Variants in CDKL1 observed in about 807,000 individuals in gnomAD.
CDKL1 encodes the protein cyclin dependent kinase like 1.
A neutral mutation model predicts 42.0 loss-of-function variants in CDKL1; 41 were observed. That is an observed-to-expected ratio of 0.98 (90% CI 0.76 to 1.27). The LOEUF is 1.27. Among genes scored for constraint, CDKL1 ranks in the 50% most tolerant of loss-of-function variants. The probability of loss-of-function intolerance (pLI) is 0.00; values close to 1 mark genes in which losing one functional copy is unlikely to be tolerated. For missense variants in CDKL1, 394 were observed against 428.4 expected (o/e 0.92, Z 0.71); for synonymous variants, 153 against 158.6 (o/e 0.96, Z 0.26).
chr14:50,397,226 C>G (rs1020578586), upstream of CDKL1: 1 of 1,366,626 alleles, frequency 7.3e-7, no homozygotes. Context: ...ACCTCAGAAC[C>G]GCGGTTATTC....
At chr14:50,332,144 C>G in intron 9 of CDKL1, 118 bp downstream of exon 9, 1 of 1,612,632 alleles carries the variant, frequency 6.2e-7, no homozygotes, top group Non-Finnish European at 8.5e-7. Context: ...GATCCTATGA[C>G]CTGTCTCCTA....
upstream of CDKL1, chr14:50,397,293 GTGAA>G: frequency 7.3e-7 from 1 of 1,364,856 alleles, no homozygotes; most frequent in Non-Finnish European, 9.8e-7. Flanking sequence ...TGCGGCGTCA[GTGAA>G]TGAATGAGAG....
intron 3 of CDKL1, among the ~76,000 whole-genome samples, chr14:50,352,636 T>G (rs545717145): frequency 6.6e-6 from 1 of 152,242 alleles, no homozygotes; most frequent in East Asian, 1.9e-4. Flanking sequence ...AAAAGAATAT[T>G]AAGCGAAGAA....
At chr14:50,334,523 CTGCTGTG>C (rs766058038) in intron 8 of CDKL1, 35 bp downstream of exon 8, 4 of 1,099,456 alleles carry the variant, frequency 3.6e-6, no homozygotes, top group Non-Finnish European at 5.6e-6. Context: ...GTGATGACAA[CTGCTGTG>C]TGCTTCCTGG....
chr14:50,339,143 TC>T (rs1344302679), intron 6 of CDKL1, 114 bp from the exon 7 acceptor site: 2 of 744,404 alleles, frequency 2.7e-6, no homozygotes, highest in East Asian at 5.3e-5. Flanking sequence ...ACTGCAGTGT[TC>T]TTGGGCAATC....
intron 3 of CDKL1, among the ~76,000 whole-genome samples, chr14:50,351,672 T>C (rs1460288720): frequency 6.6e-6 from 1 of 150,888 alleles, no homozygotes; most frequent in African/African-American, 2.4e-5. Context: ...GAGGCGGAGG[T>C]TGCAGTGAGC....
intron 2 of CDKL1, among the ~76,000 whole-genome samples, chr14:50,385,244 A>G (rs745686474): frequency 3.3e-5 from 5 of 152,170 alleles, no homozygotes; most frequent in Non-Finnish European, 7.4e-5. Context: ...CTAAGGAATT[A>G]AAACTGATAG....
chr14:50,334,725 G>A (rs758522157), intron 7 of CDKL1, 104 bp from the exon 8 acceptor site: 70 of 765,902 alleles, frequency 9.1e-5, no homozygotes, highest in South Asian at 2.4e-4. Context: ...CCTTCCTCAC[G>A]TCCTCCACCC....
At chr14:50,390,449 G>C in intron 2 of CDKL1, 2 of 1,247,110 alleles carry the variant, frequency 1.6e-6, no homozygotes, top group Non-Finnish European at 2.1e-6. Flanking sequence ...TAGGGGCTTG[G>C]GGCCTTAGTA....
intron 6 of CDKL1, among the ~76,000 whole-genome samples, chr14:50,340,474 C>T (rs969914468): frequency 6.6e-6 from 1 of 152,102 alleles, no homozygotes; most frequent in African/African-American, 2.4e-5. Flanking sequence ...CTCATCTTCC[C>T]TCCCTTCTCC....
chr14:50,374,925 T>C (rs150698455), intron 2 of CDKL1, among the ~76,000 whole-genome samples: 3,211 of 152,126 alleles, frequency 0.021, 108 homozygotes, highest in African/African-American at 0.073. Context: ...CATCACACAC[T>C]GGGTCCTGTT....
At chr14:50,333,754 T>TATCA (rs2139365263) in intron 8 of CDKL1, 1 of 152,284 alleles carries the variant, frequency 6.6e-6, no homozygotes, top group Admixed American at 6.5e-5. Flanking sequence ...ACAGTTACAT[T>TATCA]ATCATTTATA....
At position 50,376,016 on chromosome 14, in the gene CDKL1, G is replaced by A. The variant is rs548376056; in HGVS notation, c.169-16867C>T. Among the ~76,000 whole-genome samples the A allele has an allele frequency of 5.3e-5, 8 of 152,120 alleles. No individual in the cohort carries two copies. In the South Asian group the frequency reaches 8.3e-4, roughly 16 times the overall value. ...ACTGTCACAGCCAAGAGGAGGCTGCGGACACAGCCTCCTCTAAATGATTAC... is the reference window on the plus strand; with the variant it reads ...ACTGTCACAGCCAAGAGGAGGCTGCAGACACAGCCTCCTCTAAATGATTAC... On this transcript the variant is annotated intron_variant, in intron 2 of 9. Coordinates refer to ENST00000395834, the MANE Select transcript of CDKL1 (RefSeq NM_004196.7).
At chr14:50,363,983 TTCTC>T (rs1403636076) in intron 2 of CDKL1, 4 of 152,472 alleles carry the variant, frequency 2.6e-5, no homozygotes, top group African/African-American at 9.6e-5. Context: ...AGATGTTACT[TTCTC>T]TATTCAGCTT....
At chr14:50,342,357 G>A in intron 4 of CDKL1, 135 bp from the exon 5 acceptor site, 3 of 1,455,686 alleles carry the variant, frequency 2.1e-6, no homozygotes, top group Non-Finnish European at 2.7e-6. Context: ...CAGCAAAAGA[G>A]CAGCCTAAAA....
intron 2 of CDKL1, chr14:50,390,064 T>G: frequency 1.2e-6 from 1 of 837,650 alleles, no homozygotes; most frequent in South Asian, 1.3e-5. Flanking sequence ...TAGTGTAATT[T>G]GTGCATCCTA....
intron 2 of CDKL1, among the ~76,000 whole-genome samples, chr14:50,390,707 T>G (rs1433990046): frequency 6.6e-6 from 1 of 152,254 alleles, no homozygotes; most frequent in African/African-American, 2.4e-5. Flanking sequence ...CCTTGCCCCT[T>G]GCCGGACACA....
chr14:50,348,695 G>A (rs1044247075), intron 3 of CDKL1, among the ~76,000 whole-genome samples: 5 of 152,208 alleles, frequency 3.3e-5, no homozygotes, highest in Non-Finnish European at 5.9e-5. Flanking sequence ...GCTTCCAGTA[G>A]TTCCTTGTTC....
At chr14:50,380,169 T>A (rs1209582252) in intron 2 of CDKL1, 1 of 531,602 alleles carries the variant, frequency 1.9e-6, no homozygotes, top group East Asian at 5.5e-5. Flanking sequence ...AAACACAAGC[T>A]CCTGAAACTG....
Sources: gnomAD v4.1 joint callset for allele counts (sites outside exome capture counted in the v4.1 genomes callset) on GRCh38, gnomAD v4.1.1 for gene constraint, MANE v1.5 for transcripts, NCBI Gene and HGNC (gene_info 2026-07-23, HGNC 2026-07-21) for gene names.